The following DNAH2 variants were observed in gnomAD, a reference collection of about 807,000 sequenced individuals.
The protein encoded by DNAH2 is axonemal beta dynein heavy chain 2.
A neutral mutation model predicts 523.5 loss-of-function variants in DNAH2; 323 were observed. That is an observed-to-expected ratio of 0.62 (90% confidence interval 0.56 to 0.68). The LOEUF (loss-of-function observed/expected upper bound fraction) is 0.68. Ranked by LOEUF, DNAH2 falls within the 30% of genes least tolerant of loss-of-function variation. DNAH2 has a pLI of 0.00. For missense variants in DNAH2, 4,907 were observed against 5,701.5 expected (o/e 0.86, Z 4.49); for synonymous variants, 2,093 against 2,177.4 (o/e 0.96, Z 1.08).
chr17:7,757,145 G>C lies in DNAH2; in HGVS notation c.1959G>C (p.Glu653Asp), dbSNP rs1597552080. 6.2e-7 allele frequency: 1 copy of C among 1,614,204 alleles called. No individual in the cohort carries two copies. Among genetic ancestry groups the C allele is most frequent in the South Asian group, 1.1e-5 (1 of 91,086 alleles). Residue 653 changes from glutamate (E) to aspartate (D), a missense_variant, in exon 13 of 86, where the codon GAG becomes GAC. Transcript: ENST00000572933. The part of the protein sequence containing the change: ...EIDYWERLLF[E>D]TPHYVVNVAE... ...ACTACTGGGAGCGGCTGCTGTTTGA[G>C]ACGCCCCATTACGTGGTGAACGTAG...
intron 3 of DNAH2, 47 bp downstream of exon 3, chr17:7,723,736 G>T (rs372899253): frequency 6.6e-7 from 1 of 1,520,758 alleles, no homozygotes; most frequent in Non-Finnish European, 9.1e-7. Context: ...CCCAAAACTG[G>T]TGAATCAAAG....
At chr17:7,822,955 C>T (rs186829714) in intron 73 of DNAH2, among the ~76,000 whole-genome samples, 4 of 152,240 alleles carry the variant, frequency 2.6e-5, no homozygotes, top group African/African-American at 4.8e-5. Flanking sequence ...CTAGCCCCCA[C>T]GTTTATTCCC....
At chr17:7,764,297 T>C in intron 20 of DNAH2, 24 bp downstream of exon 20, 1 of 1,578,096 alleles carries the variant, frequency 6.3e-7, no homozygotes, top group Middle Eastern at 1.7e-4. Context: ...GTGTTTGGTT[T>C]ACCTGGGACC....
rs759149709 is a variant in DNAH2, at chr17:7,819,240, T to C, written c.10847T>C (p.Ile3616Thr). The change falls in exon 72 of 86, where the codon ATC (isoleucine) becomes ACC (threonine). Residue 3616 changes from isoleucine (I) to threonine (T), a missense_variant. By Grantham distance (89) the Ile-to-Thr change is moderately conservative. Around this residue, in one of 3 missense-constraint regions of DNAH2, gnomAD observed 1,851 missense variants for 2,139.4 expected, o/e 0.87. Transcript: ENST00000572933. ...CGCCCATGCGCCCAGCGGGCATCAATCCTGTTCTTCGTGCTCAATGATATG... is the reference window on the plus strand; with the variant it reads ...CGCCCATGCGCCCAGCGGGCATCAACCCTGTTCTTCGTGCTCAATGATATG... ...AYRPCAQRAS[I>T]LFFVLNDMGC... is the part of the protein sequence containing the mutation. 2.5e-6 allele frequency: 4 copies of C among 1,613,994 alleles called. No homozygotes were observed. Among genetic ancestry groups the C allele is most frequent in the South Asian group, 1.1e-5 (1 of 91,080 alleles).
At chr17:7,824,377 C>T (rs1156664889) in intron 76 of DNAH2, 73 bp downstream of exon 76, 5 of 1,477,038 alleles carry the variant, frequency 3.4e-6, no homozygotes, top group Non-Finnish European at 3.6e-6. Flanking sequence ...ACCTCAATTA[C>T]ACTACTGTCC....
chr17:7,785,834 A>G (rs1056825641), intron 39 of DNAH2, among the ~76,000 whole-genome samples: 3 of 152,202 alleles, frequency 2.0e-5, no homozygotes, highest in African/African-American at 7.2e-5. Flanking sequence ...AAAAGTGTGT[A>G]GAGCTACATG....
Position 7,826,535 on chromosome 17 carries a change from C to CTTTTTT in DNAH2, c.11853+1825_11853+1830dup, listed in dbSNP as rs35943055. On this transcript the variant is annotated intron_variant, in intron 77 of 85. Transcript: ENST00000572933. ...CCTTGAATATCTGTGTGCCCATCAT[C>CTTTTTT]TTTTTTTTTTTTTTTTTTTTTTGAG... Among the ~76,000 whole-genome samples, 60 of 111,254 alleles carry CTTTTTT rather than the reference C, an allele frequency of 5.4e-4. 1 individual carries two copies. Among genetic ancestry groups the CTTTTTT allele is most frequent in the East Asian group, 2.2e-3 (7 of 3,178 alleles). 73.0% of individuals were successfully genotyped at this position (111,254 alleles called of 152,430 possible).
At position 7,792,385 on chromosome 17, in the gene DNAH2, G is replaced by C. The variant is rs548055702; in HGVS notation, c.7145+42G>C. The C allele has an allele frequency of 2.1e-5, 33 of 1,591,486 alleles. No individual in the cohort carries two copies. The Admixed American group carries it at 3.8e-4, about 19-fold the overall frequency. Reference sequence around the variant, plus strand: ...GGTGTGAGGAGGGCATGGGGCAGCGGTAGGTGGGGGATGTGGCAAGAGAGA... The same window carrying C: ...GGTGTGAGGAGGGCATGGGGCAGCGCTAGGTGGGGGATGTGGCAAGAGAGA... On this transcript the variant is annotated intron_variant, in intron 46 of 85. Transcript: ENST00000572933.
rs369805347 is a variant in DNAH2 at position 7,734,575 on chromosome 17, G to T, written c.845G>T (p.Arg282Leu). ...CCTCTGGAGGAGATTGAGTTCTGGC[G>T]CAACCGATGCATGGACCTGTCTGGC... ...LGPLEEIEFWRNRCMDLSGIS... is the reference protein window; with the variant it reads ...LGPLEEIEFWLNRCMDLSGIS... The change falls in exon 7 of 86, where the codon CGC becomes CTC. Residue 282 changes from arginine to leucine, a missense_variant. Arg to Leu is a moderately radical substitution (Grantham distance 102, BLOSUM62 -2). Coordinates refer to ENST00000572933, the MANE Select transcript of DNAH2 (RefSeq NM_020877.5). 1.2e-5 allele frequency: 19 copies of T among 1,613,792 alleles called. No individual in the cohort carries two copies. Among genetic ancestry groups the T allele is most frequent in the Non-Finnish European group, 1.5e-5 (18 of 1,180,016 alleles).
rs1276826294 is a variant in DNAH2 at position 7,824,204 on chromosome 17, G to A, written c.11562G>A (p.Leu3854=). 2 of 1,606,894 alleles carry A rather than the reference G, an allele frequency of 1.2e-6. No homozygotes were observed. The highest frequency in any genetic ancestry group is 1.7e-5 in the Admixed American group (1 of 59,450). Residue 3854 remains leucine (L), a synonymous_variant, in exon 76 of 86, where the codon CTG becomes CTA. Transcript: ENST00000572933. ...ACCCCACCAGTGCCCTGCTGCAGCT[G>A]GCAGAGCACATGGGCATGGCCCAGC... The part of the protein sequence containing the change: ...GVDPTSALLQ[L]AEHMGMAQRF...
chr17:7,776,787 C>A lies in DNAH2; in HGVS notation c.4956C>A (p.Ile1652=). The change falls in exon 32 of 86, where the codon ATC becomes ATA. Residue 1652 remains isoleucine, a synonymous_variant. Transcript: ENST00000572933. ...WVKEWAGQVV[I]TASQIQWTAD... is the part of the protein sequence containing the mutation. ...CTTCTGCACATCCCCAGGTGGTGAT[C>A]ACTGCCAGTCAGATCCAGTGGACGG... is the stretch of plus-strand genomic sequence containing the variant. 2 of 1,612,322 alleles carry A rather than the reference C, an allele frequency of 1.2e-6. No individual in the cohort carries two copies. The highest frequency in any genetic ancestry group is 2.2e-5 in the South Asian group (2 of 90,960).
In DNAH2 at chr17:7,777,225, G is replaced by A. The variant is rs534167989; in HGVS notation, c.5059-221G>A. On this transcript the variant is annotated intron_variant, in intron 32 of 85. Coordinates refer to ENST00000572933, the MANE Select transcript of DNAH2 (RefSeq NM_020877.5). ...GCCTGGAGCTAGAATTGCAGGGAGGGAGCAGTCAGAATTAGAGGTGAGCTG... is the reference window on the plus strand; with the variant it reads ...GCCTGGAGCTAGAATTGCAGGGAGGAAGCAGTCAGAATTAGAGGTGAGCTG... Among the ~76,000 whole-genome samples the A allele has an allele frequency of 2.0e-5, 3 of 152,264 alleles. No homozygotes were observed. The South Asian group carries it at 6.2e-4, about 32-fold the overall frequency.
Position 7,737,232 on chromosome 17 carries a change from G to T in DNAH2, c.1144G>T (p.Glu382Ter), listed in dbSNP as rs752073195. 6.2e-7 allele frequency: 1 copy of T among 1,614,078 alleles called. No homozygotes were observed. Among genetic ancestry groups the T allele is most frequent in the Non-Finnish European group, 8.5e-7 (1 of 1,180,002 alleles). The change falls in exon 8 of 86, where the codon GAG becomes TAG. Residue 382 changes from glutamate to a stop codon, truncating the protein, a stop_gained. Coordinates refer to ENST00000572933, the MANE Select transcript of DNAH2 (RefSeq NM_020877.5). LOFTEE classifies it high-confidence loss of function. ...CAACTCTCCCCACTACAACACTCGG[G>T]AGAGACTGACCTCGCTCTTCCGAAA... Reference protein sequence around the residue: ...WVNSPHYNTRERLTSLFRKVC... With the variant: ...WVNSPHYNTR
At chr17:7,799,335 T>C in intron 56 of DNAH2, 93 bp downstream of exon 56, 1 of 1,531,354 alleles carries the variant, frequency 6.5e-7, no homozygotes, top group Non-Finnish European at 8.9e-7. Context: ...GTGTCAGGAA[T>C]AACAGCAGGC....
At chr17:7,768,977 T>C (rs893335639) in intron 24 of DNAH2, among the ~76,000 whole-genome samples, 4 of 152,222 alleles carry the variant, frequency 2.6e-5, no homozygotes, top group Non-Finnish European at 5.9e-5. Flanking sequence ...ATTCCACATC[T>C]TAGCTATTGC....
chr17:7,743,653 G>C, intron 12 of DNAH2: 2 of 335,958 alleles, frequency 6.0e-6, no homozygotes, highest in East Asian at 5.9e-5. Context: ...GCGACAGAGT[G>C]ACCCTGCCTC....
chr17:7,792,402 C>A, intron 46 of DNAH2, 59 bp downstream of exon 46: 1 of 1,551,272 alleles, frequency 6.4e-7, no homozygotes. Flanking sequence ...GGGGATGTGG[C>A]AAGAGAGATG....
At chr17:7,725,425 A>AATAT (rs71387992) in intron 3 of DNAH2, among the ~76,000 whole-genome samples, 53,449 of 124,842 alleles carry the variant, frequency 0.43, 12,578 homozygotes, top group East Asian at 0.92. Context: ...ACTTCAAGTG[A>AATAT]ATATATATAT....
Position 7,830,817 on chromosome 17 carries a change from C to T in DNAH2, c.12205C>T (p.Gln4069Ter). 6.2e-7 allele frequency: 1 copy of T among 1,614,022 alleles called. No individual in the cohort carries two copies. ...TTYINDYFCD[Q>*]SLSTPFHRLS... ...CTACATCAATGATTATTTCTGTGAC[C>T]AGTCTCTATCAACTCCCTTCCACCG... Residue 4069 changes from glutamine to a stop codon, truncating the protein, a stop_gained, in exon 79 of 86, where the codon CAG becomes TAG. Transcript: ENST00000572933. LOFTEE classifies it high-confidence loss of function.
Sources: allele counts gnomAD v4.1 joint callset (sites outside exome capture counted in the v4.1 genomes callset), GRCh38; gene constraint gnomAD v4.1.1; regional missense constraint gnomAD v4.1.1; transcripts MANE v1.5; gene names NCBI Gene and HGNC (gene_info 2026-07-23, HGNC 2026-07-21).